FLT1: variants seen among roughly 807,000 people sequenced by gnomAD.
FLT1 encodes the protein fms related receptor tyrosine kinase 1.
In FLT1, 49 loss-of-function variants were observed where a neutral mutation model predicts 156.3. The observed-to-expected ratio is 0.31, with a 90% CI of 0.25 to 0.40. The LOEUF is 0.40. Among genes scored for constraint, FLT1 ranks in the 10% least tolerant of loss-of-function variants. The pLI, the probability that FLT1 is intolerant of heterozygous loss-of-function variation, is 1.00. For synonymous variants in FLT1, 594 were observed against 583.8 expected (o/e 1.02, Z -0.25); for missense variants, 1,322 against 1,637.2 (o/e 0.81, Z 3.32).
At chr13:28,399,149 C>T (rs1875264860) in intron 11 of FLT1, 1 of 1,445,944 alleles carries the variant, frequency 6.9e-7, no homozygotes, top group Non-Finnish European at 9.5e-7. Flanking sequence ...TCAAATACGA[C>T]TCTGACTCCC....
chr13:28,432,754 G>A (rs114101005), intron 6 of FLT1, among the ~76,000 whole-genome samples: 2,191 of 152,282 alleles, frequency 0.014, 43 homozygotes, highest in African/African-American at 0.05. Context: ...TAATAGATGT[G>A]TTGTAGATAC....
At chr13:28,320,537 G>A (rs1407473726) in intron 23 of FLT1, among the ~76,000 whole-genome samples, 1 of 149,198 alleles carries the variant, frequency 6.7e-6, no homozygotes, top group African/African-American at 2.5e-5. Context: ...GATGAGATTT[G>A]TTTGCATTTT....
At chr13:28,434,577 A>C (rs1204219306) in intron 4 of FLT1, among the ~76,000 whole-genome samples, 1 of 152,190 alleles carries the variant, frequency 6.6e-6, no homozygotes, top group African/African-American at 2.4e-5. Context: ...CTGGTCAGAC[A>C]CTCAATAGAC....
intron 14 of FLT1, among the ~76,000 whole-genome samples, chr13:28,358,655 G>A (rs913310437): frequency 5.3e-5 from 8 of 152,150 alleles, no homozygotes; most frequent in African/African-American, 1.9e-4. Context: ...GATGTGGGCA[G>A]GCTAAGACAT....
At chr13:28,385,498 A>T (rs1874305899) in intron 13 of FLT1, 12 of 1,009,928 alleles carry the variant, frequency 1.2e-5, no homozygotes, top group Non-Finnish European at 1.4e-5. Context: ...TGTTTGTGTT[A>T]CTCAACTGTC....
At chr13:28,328,977 G>T (rs1336226305) in intron 19 of FLT1, among the ~76,000 whole-genome samples, 1 of 152,156 alleles carries the variant, frequency 6.6e-6, no homozygotes, top group Non-Finnish European at 1.5e-5. Context: ...CTAGCAGATT[G>T]TCTTCCCCAG....
At chr13:28,376,221 A>G (rs1380006455) in intron 14 of FLT1, among the ~76,000 whole-genome samples, 1 of 152,206 alleles carries the variant, frequency 6.6e-6, no homozygotes, top group Non-Finnish European at 1.5e-5. Context: ...GTCCTCTAAC[A>G]GTTAGATAAA....
intron 14 of FLT1, among the ~76,000 whole-genome samples, chr13:28,376,722 A>G (rs1279142038): frequency 5.9e-5 from 9 of 152,212 alleles, no homozygotes; most frequent in Non-Finnish European, 1.2e-4. Flanking sequence ...CCTGCTCAGC[A>G]ATGTCATAAC....
At chr13:28,346,649 G>A (rs760369271) in intron 15 of FLT1, among the ~76,000 whole-genome samples, 1 of 152,120 alleles carries the variant, frequency 6.6e-6, no homozygotes, top group Non-Finnish European at 1.5e-5. Flanking sequence ...GTTCCATGCT[G>A]TAGTGAGCTA....
chr13:28,389,131 T>C (rs915596574), intron 13 of FLT1: 26 of 1,054,722 alleles, frequency 2.5e-5, no homozygotes, highest in Non-Finnish European at 3.0e-5. Flanking sequence ...CAGTTCAAGA[T>C]AAATGTGCTT....
intron 1 of FLT1, among the ~76,000 whole-genome samples, chr13:28,470,632 G>A (rs948328230): frequency 3.1e-4 from 47 of 152,166 alleles, no homozygotes; most frequent in Middle Eastern, 3.2e-3. Flanking sequence ...CTCATCAGAG[G>A]AAACCGCTAA....
intron 12 of FLT1, among the ~76,000 whole-genome samples, chr13:28,393,291 A>G (rs1316195823): frequency 3.9e-5 from 6 of 152,160 alleles, no homozygotes; most frequent in African/African-American, 7.2e-5. Context: ...TTTCAACTCA[A>G]TTGGATCAGG....
intron 10 of FLT1, among the ~76,000 whole-genome samples, chr13:28,418,000 G>A (rs569511792): frequency 1.6e-3 from 243 of 151,794 alleles, no homozygotes; most frequent in Middle Eastern, 3.4e-3. Flanking sequence ...AGGGCTGAGT[G>A]CTTGCTGAAT....
chr13:28,483,846 A>T (rs1338931301), intron 1 of FLT1, among the ~76,000 whole-genome samples: 1 of 152,198 alleles, frequency 6.6e-6, no homozygotes, highest in African/African-American at 2.4e-5. Flanking sequence ...CAAACCCTGA[A>T]AACAAAACTC....
In FLT1 at chr13:28,434,184, T is replaced by C; in HGVS notation, c.550A>G (p.Ile184Val). Residue 184 changes from isoleucine to valine, a missense_variant, in exon 5 of 30, where the codon ATA becomes GTA. This residue lies in a region of FLT1 where 991 missense variants were observed against 1,254.8 expected (regional missense o/e 0.79). Transcript: ENST00000282397. ...AAGCCCTTTCTACTGTCCCAGATTA[T>C]GCGTTTTCCATCAGGGATCAAAGTG... ...LDTLIPDGKR[I>V]IWDSRKGFII... 7 of 1,614,120 alleles carry C rather than the reference T, an allele frequency of 4.3e-6. No individual in the cohort carries two copies. In the South Asian group the frequency reaches 6.6e-5, roughly 15 times the overall value.
At chr13:28,386,492 G>C (rs1874372181) in intron 13 of FLT1, 1 of 1,048,702 alleles carries the variant, frequency 9.5e-7, no homozygotes, top group Non-Finnish European at 1.2e-6. Flanking sequence ...GAAGTGCTCT[G>C]ATGTACAAAA....
chr13:28,312,641 C>T (rs1002317769), intron 25 of FLT1, among the ~76,000 whole-genome samples: 1 of 152,180 alleles, frequency 6.6e-6, no homozygotes, highest in Non-Finnish European at 1.5e-5. Context: ...TTTCCAAGTC[C>T]TCACACCTCC....
At chr13:28,311,538 C>CTT in intron 27 of FLT1, 52 bp downstream of exon 27, 4 of 1,432,546 alleles carry the variant, frequency 2.8e-6, no homozygotes, top group Non-Finnish European at 3.9e-6. Context: ...TTCTTTCCTT[C>CTT]TTTTTTTTGT....
chr13:28,491,800 C>A lies in FLT1; in HGVS notation c.64+2980G>T, dbSNP rs145411971. Reference sequence around the variant, plus strand: ...TTGAATTTTGGAGTCAGAAAAGGGCCTTAGAAATCAACCACCTATACTAAC... The same window carrying A: ...TTGAATTTTGGAGTCAGAAAAGGGCATTAGAAATCAACCACCTATACTAAC... On this transcript the variant is annotated intron_variant, in intron 1 of 29. Coordinates refer to ENST00000282397, the MANE Select transcript of FLT1 (RefSeq NM_002019.4). Among the ~76,000 whole-genome samples the A allele has an allele frequency of 3.0e-3, 458 of 152,282 alleles. 2 individuals are homozygous for A. The highest frequency in any genetic ancestry group is 0.01 in the African/African-American group (431 of 41,552).
Sources: gnomAD v4.1 joint callset for allele counts (sites outside exome capture counted in the v4.1 genomes callset) on GRCh38, gnomAD v4.1.1 for gene constraint, gnomAD v4.1.1 regional missense constraint, MANE v1.5 for transcripts, NCBI Gene and HGNC (gene_info 2026-07-23, HGNC 2026-07-21) for gene names.